Variants in RYR1 observed in about 807,000 individuals in gnomAD.
RYR1 encodes central core disease of muscle.
In RYR1, 342 loss-of-function variants were observed where a neutral mutation model predicts 583.5. The observed-to-expected ratio is 0.59, with a 90% CI of 0.54 to 0.64. The LOEUF (loss-of-function observed/expected upper bound fraction) is 0.64, where lower values mean the gene tolerates loss of function less well. Among genes scored for constraint, RYR1 ranks in the 30% least tolerant of loss-of-function variants. The pLI is 0.00. For missense variants in RYR1, 6,032 were observed against 6,917.2 expected, an observed-to-expected ratio of 0.87 and a Z score of 4.54; for synonymous variants, 2,791 against 2,822.5, an observed-to-expected ratio of 0.99 and a Z score of 0.35.
rs1213417639 is a variant in RYR1 at position 38,471,920 on chromosome 19, AGAT to A, written c.3766-1456_3766-1454del. Among the ~76,000 whole-genome samples, 12 of 150,956 alleles carry A rather than the reference AGAT, an allele frequency of 7.9e-5. No homozygotes were observed. The East Asian group carries it at 2.3e-3, about 29-fold the overall frequency. ...GTCTCAAAAAAAAAAAAAAAAAAAA[AGAT>A]TCTGAGAACAAAGAATCTTGTATGC... On this transcript the variant is annotated intron_variant, in intron 27 of 105. Transcript: ENST00000359596.
At chr19:38,507,997 G>A (rs1970556851) in intron 58 of RYR1, among the ~76,000 whole-genome samples, 170 bp downstream of exon 58, 1 of 152,096 alleles carries the variant, frequency 6.6e-6, no homozygotes, top group Non-Finnish European at 1.5e-5. Flanking sequence ...GGGTACAGCA[G>A]TGAAGATGAC....
chr19:38,535,390 C>G lies in RYR1; in HGVS notation c.11514C>G (p.Cys3838Trp). Reference sequence around the variant, plus strand: ...GTATCCAGGCACTGATGCAAACATGCAGGTAGGTTCGAGTGGACCTCTTCT... The same window carrying G: ...GTATCCAGGCACTGATGCAAACATGGAGGTAGGTTCGAGTGGACCTCTTCT... Reference protein sequence around the residue: ...FQSIQALMQTCSVLDLNAFER... With the variant: ...FQSIQALMQTWSVLDLNAFER... Residue 3838 changes from cysteine to tryptophan, a missense_variant and splice_region_variant, in exon 81 of 106, where the codon TGC becomes TGG. This residue lies in a region of RYR1 where 1,493 missense variants were observed against 1,715.5 expected (regional missense o/e 0.87). Transcript: ENST00000359596. 6.2e-7 allele frequency: 1 copy of G among 1,612,642 alleles called. No homozygotes were observed. Among genetic ancestry groups the G allele is most frequent in the Non-Finnish European group, 8.5e-7 (1 of 1,178,628 alleles).
rs953128614 is a variant in RYR1 at position 38,483,373 on chromosome 19, G to C, written c.4791G>C (p.Gln1597His). 1.4e-5 allele frequency: 22 copies of C among 1,565,092 alleles called. No individual in the cohort carries two copies. Among genetic ancestry groups the C allele is most frequent in the Non-Finnish European group, 1.9e-5 (22 of 1,155,478 alleles). The change falls in exon 33 of 106, where the codon CAG becomes CAC. Residue 1597 changes from glutamine (Q) to histidine (H), a missense_variant. By Grantham distance (24) the Gln-to-His change is conservative (BLOSUM62 0). This residue lies in a region of RYR1 where 2,627 missense variants were observed against 2,961.3 expected (regional missense o/e 0.89). Transcript: ENST00000359596. The surrounding 1 kb of genome is among the most constrained non-coding windows in gnomAD (Gnocchi z 6.3). ...APQCPPRLEM[Q>H]MLMPVSWSRM... The stretch of plus-strand genomic sequence containing the variant: ...AGTGCCCACCGCGGCTGGAGATGCA[G>C]ATGCTGATGCCAGTGTCCTGGAGCC...
chr19:38,542,864 G>A (rs890269028), intron 84 of RYR1, among the ~76,000 whole-genome samples: 24 of 150,988 alleles, frequency 1.6e-4, no homozygotes, highest in Middle Eastern at 3.4e-3. Flanking sequence ...TTTTTGAGAC[G>A]GGGTTTCCAT....
rs1188567893 is a variant in RYR1, at chr19:38,584,855, A to AT, written c.14647-87dup. The stretch of plus-strand genomic sequence containing the variant: ...GCCCAGGGCTGTCTCAGTCGTTACC[A>AT]TGTCTTCAGCCCTGCCTATCCCGGG... On this transcript the variant is annotated intron_variant, in intron 101 of 105. Transcript: ENST00000359596. 3.3e-6 allele frequency: 5 copies of AT among 1,530,668 alleles called. No homozygotes were observed. The African/African-American group carries it at 6.9e-5, about 21-fold the overall frequency. 94.8% of individuals were successfully genotyped at this position (1,530,668 alleles called of 1,614,324 possible).
Position 38,500,838 on chromosome 19 carries a change from C to T in RYR1, c.7462C>T (p.Pro2488Ser). The T allele has an allele frequency of 6.2e-7, 1 of 1,614,022 alleles. No individual in the cohort carries two copies. The highest frequency in any genetic ancestry group is 8.5e-7 in the Non-Finnish European group (1 of 1,180,000). Residue 2488 changes from proline (P) to serine (S), a missense_variant, in exon 47 of 106, where the codon CCA becomes TCA. Coordinates refer to ENST00000359596, the MANE Select transcript of RYR1 (RefSeq NM_000540.3). This position sits in a 1 kb window ranked among gnomAD's most constrained non-coding sequence, Gnocchi z 5.9. ...TLGKDGALVQ[P>S]KMSASFVPDH... is the part of the protein sequence containing the mutation. ...GCCTGCAGATGGGGCTCTGGTGCAG[C>T]CAAAGATGTCAGCATCCTTCGTGCC...
At chr19:38,494,663 C>G in intron 39 of RYR1, 38 bp downstream of exon 39, 1 of 1,612,352 alleles carries the variant, frequency 6.2e-7, no homozygotes, top group Non-Finnish European at 8.5e-7. Context: ...TGCATATCCC[C>G]TTGGGTAATG....
chr19:38,556,419 CT>C (rs986034627), intron 89 of RYR1, among the ~76,000 whole-genome samples: 7 of 151,680 alleles, frequency 4.6e-5, no homozygotes, highest in Admixed American at 4.6e-4. Flanking sequence ...GAGGTTAATG[CT>C]GCAGTGAGCC....
chr19:38,569,605 T>C (rs1599644669), intron 93 of RYR1, among the ~76,000 whole-genome samples: 1 of 150,844 alleles, frequency 6.6e-6, no homozygotes, highest in Admixed American at 6.6e-5. Context: ...GGGCGACAGG[T>C]GGGGTGACCT....
intron 78 of RYR1, among the ~76,000 whole-genome samples, chr19:38,533,288 T>G (rs566373943): frequency 6.6e-6 from 1 of 152,320 alleles, no homozygotes; most frequent in East Asian, 1.9e-4. Flanking sequence ...CATTCATTCA[T>G]TGAGACAGTT....
At chr19:38,478,402 G>T in intron 30 of RYR1, 33 bp from the exon 31 acceptor site, 2 of 1,609,762 alleles carry the variant, frequency 1.2e-6, no homozygotes, top group South Asian at 1.1e-5. Context: ...CTACTCACAT[G>T]AGGAGTGCAG....
chr19:38,555,518 G>A (rs1027250471), intron 89 of RYR1, among the ~76,000 whole-genome samples: 3 of 150,660 alleles, frequency 2.0e-5, no homozygotes, highest in Admixed American at 6.6e-5. Context: ...CTTAAAAGAC[G>A]TTCCTTTTAT....
At chr19:38,536,846 C>A in intron 83 of RYR1, 79 bp downstream of exon 83, 1 of 1,471,370 alleles carries the variant, frequency 6.8e-7, no homozygotes, top group Non-Finnish European at 9.5e-7. Flanking sequence ...CACCTAGGGG[C>A]TGAGGATCTG....
rs769623563 is a variant in RYR1, at chr19:38,458,243, C to T, written c.2118C>T (p.Val706=). 2.3e-5 allele frequency: 37 copies of T among 1,613,900 alleles called. No individual in the cohort carries two copies. Among genetic ancestry groups the T allele is most frequent in the Admixed American group, 3.3e-5 (2 of 60,014 alleles). Residue 706 remains valine (V), a synonymous_variant, in exon 18 of 106, where the codon GTC becomes GTT. Coordinates refer to ENST00000359596, the MANE Select transcript of RYR1 (RefSeq NM_000540.3). The part of the protein sequence containing the change: ...GAGEGWGGNG[V]GDDLYSYGFD... ...GCGAGGGCTGGGGCGGCAACGGGGT[C>T]GGCGATGACCTCTATTCCTACGGCT...
At chr19:38,443,214 C>T (rs968264621) in intron 3 of RYR1, among the ~76,000 whole-genome samples, 5 of 152,274 alleles carry the variant, frequency 3.3e-5, no homozygotes, top group Admixed American at 2.0e-4. Context: ...ACACGGAACA[C>T]GAGATCTTGG....
chr19:38,539,061 A>T (rs1972092173), intron 84 of RYR1, among the ~76,000 whole-genome samples: 1 of 152,054 alleles, frequency 6.6e-6, no homozygotes, highest in African/African-American at 2.4e-5. Flanking sequence ...ACCTTCACCC[A>T]CTTGGTTAGT....
chr19:38,522,988 A>T (rs1157319222), intron 67 of RYR1, 40 bp from the exon 68 acceptor site: 4 of 1,505,390 alleles, frequency 2.7e-6, no homozygotes, highest in South Asian at 1.2e-5. Flanking sequence ...CTTCCCTGGG[A>T]TCCCCACCCC....
At chr19:38,492,049 C>A (rs1969574312) in intron 37 of RYR1, among the ~76,000 whole-genome samples, 1 of 151,966 alleles carries the variant, frequency 6.6e-6, no homozygotes, top group South Asian at 2.1e-4. Context: ...AATAAATGAA[C>A]AAATACATGA....
chr19:38,543,286 C>A lies in RYR1; in HGVS notation c.11690-61C>A. On this transcript the variant is annotated intron_variant, in intron 84 of 105. Coordinates refer to ENST00000359596, the MANE Select transcript of RYR1 (RefSeq NM_000540.3). The surrounding 1 kb of genome is among the most constrained non-coding windows in gnomAD (Gnocchi z 4.4). Reference sequence around the variant, plus strand: ...AGTATTGCATAAATGAATAAATGACCCACTGTTCATCTCCCCTAGCACATG... The same window carrying A: ...AGTATTGCATAAATGAATAAATGACACACTGTTCATCTCCCCTAGCACATG... The A allele has an allele frequency of 7.2e-7, 1 of 1,395,922 alleles. No homozygotes were observed. The highest frequency in any genetic ancestry group is 1.0e-6 in the Non-Finnish European group (1 of 981,170). 86.5% of individuals were successfully genotyped at this position (1,395,922 alleles called of 1,614,324 possible).
Sources: allele counts gnomAD v4.1 joint callset (sites outside exome capture counted in the v4.1 genomes callset), GRCh38; gene constraint gnomAD v4.1.1; regional missense constraint gnomAD v4.1.1; non-coding constraint Gnocchi (gnomAD v3.1); transcripts MANE v1.5; gene names NCBI Gene and HGNC (gene_info 2026-07-23, HGNC 2026-07-21).